The following BEND7 variants were observed in gnomAD, a reference collection of about 807,000 sequenced individuals.
The protein encoded by BEND7 is BEN domain-containing protein 7.
A neutral mutation model predicts 50.9 loss-of-function variants in BEND7; 28 were observed. That is an observed-to-expected ratio of 0.55 (90% CI 0.41 to 0.75). BEND7 has a LOEUF of 0.75. Among genes scored for constraint, BEND7 ranks in the 30% least tolerant of loss-of-function variants. The probability of loss-of-function intolerance (pLI) is 0.00; values close to 1 mark genes in which losing one functional copy is unlikely to be tolerated. For synonymous variants in BEND7, 170 were observed against 183.9 expected, an observed-to-expected ratio of 0.92 and a Z score of 0.61; for missense variants, 477 against 491.3, an observed-to-expected ratio of 0.97 and a Z score of 0.28.
chr10:13,496,229 T>C (rs1356247586), intron 4 of BEND7, among the ~76,000 whole-genome samples: 2 of 152,168 alleles, frequency 1.3e-5, no homozygotes, highest in Admixed American at 6.5e-5. Context: ...AAAGCAGAAA[T>C]TGGCATCCAA....
intron 6 of BEND7, among the ~76,000 whole-genome samples, chr10:13,469,118 G>A (rs1198603777): frequency 1.3e-5 from 2 of 152,174 alleles, no homozygotes; most frequent in East Asian, 1.9e-4. Flanking sequence ...AGAGGAAGGT[G>A]CTTAAAATAA....
intron 6 of BEND7, among the ~76,000 whole-genome samples, chr10:13,468,024 G>A (rs1457982990): frequency 3.9e-5 from 6 of 152,158 alleles, no homozygotes; most frequent in Non-Finnish European, 8.8e-5. Flanking sequence ...GCATGACCAT[G>A]TATCCCGATC....
At chr10:13,450,971 T>A (rs1027601830) in intron 7 of BEND7, among the ~76,000 whole-genome samples, 12 of 152,008 alleles carry the variant, frequency 7.9e-5, no homozygotes, top group African/African-American at 2.7e-4. Flanking sequence ...GCGTGCCTGC[T>A]TGCTGGTGGG....
At chr10:13,488,455 G>A (rs1203971122) in intron 5 of BEND7, among the ~76,000 whole-genome samples, 5 of 152,114 alleles carry the variant, frequency 3.3e-5, no homozygotes, top group Admixed American at 2.6e-4. Flanking sequence ...ATTGGGTTGT[G>A]AACTCATGAA....
At chr10:13,471,194 A>T (rs181759522) in intron 6 of BEND7, among the ~76,000 whole-genome samples, 2 of 152,340 alleles carry the variant, frequency 1.3e-5, no homozygotes, top group Admixed American at 6.5e-5. Context: ...GACATGTCTT[A>T]CTAGACTGTA....
At chr10:13,519,763 G>A (rs979400827) in intron 2 of BEND7, among the ~76,000 whole-genome samples, 1 of 152,192 alleles carries the variant, frequency 6.6e-6, no homozygotes, top group African/African-American at 2.4e-5. Flanking sequence ...GTAAACTGAG[G>A]CGGCTTACAG....
rs117173956 is a variant in BEND7, at chr10:13,477,552, G to A, written c.1063+3347C>T. 2.4e-3 allele frequency among the ~76,000 whole-genome samples: 362 copies of A among 152,268 alleles called. 2 individuals are homozygous for A. The highest frequency in any genetic ancestry group is 0.013 in the East Asian group (65 of 5,192). On this transcript the variant is annotated intron_variant, in intron 6 of 8. Transcript: ENST00000466271. The stretch of plus-strand genomic sequence containing the variant: ...AAATTAATAGCTACTTCTGAAAATC[G>A]CTTCGTATTGTAACGTGTGGGTTAA...
intron 2 of BEND7, among the ~76,000 whole-genome samples, chr10:13,511,712 C>G (rs2078284539): frequency 6.6e-6 from 1 of 151,544 alleles, no homozygotes; most frequent in Admixed American, 6.6e-5. Context: ...ATACCACTTA[C>G]AGAGCACTTA....
At chr10:13,441,847 C>A (rs1835372661) in intron 8 of BEND7, 97 bp from the exon 9 acceptor site, 4 of 1,250,928 alleles carry the variant, frequency 3.2e-6, no homozygotes, top group Admixed American at 2.0e-5. Flanking sequence ...ATAATTTCTC[C>A]AAACCTTCCT....
chr10:13,445,622 T>C (rs1836156772), intron 8 of BEND7: 1 of 152,232 alleles, frequency 6.6e-6, no homozygotes, highest in South Asian at 2.1e-4. Flanking sequence ...TCAAGTTCCT[T>C]CTCATTCTCA....
At chr10:13,455,673 T>C (rs1047420290) in intron 6 of BEND7, among the ~76,000 whole-genome samples, 4 of 151,964 alleles carry the variant, frequency 2.6e-5, no homozygotes, top group African/African-American at 9.7e-5. Flanking sequence ...GGCTGATGAA[T>C]CTGGAATAGA....
At chr10:13,440,377 C>T (rs1349081288), downstream of BEND7, among the ~76,000 whole-genome samples, 2 of 152,242 alleles carry the variant, frequency 1.3e-5, no homozygotes, top group Non-Finnish European at 2.9e-5. Flanking sequence ...ACCTGCAAGA[C>T]TCACGGGCTG....
chr10:13,474,340 G>A (rs917776557), intron 6 of BEND7, among the ~76,000 whole-genome samples: 42 of 150,378 alleles, frequency 2.8e-4, no homozygotes, highest in African/African-American at 9.1e-4. Flanking sequence ...ATTTGGGGTC[G>A]ATATCCGTCA....
Position 13,476,662 on chromosome 10 carries a change from G to A in BEND7, c.1063+4237C>T, listed in dbSNP as rs146954046. Among the ~76,000 whole-genome samples the A allele has an allele frequency of 5.8e-3, 882 of 152,232 alleles. 4 individuals carry two copies. Among genetic ancestry groups the A allele is most frequent in the South Asian group, 0.015 (74 of 4,820 alleles). On this transcript the variant is annotated intron_variant, in intron 6 of 8. Transcript: ENST00000466271. The stretch of plus-strand genomic sequence containing the variant: ...ACCACGTTAATCTGCATGGTCTACC[G>A]AGTATATCACAGCAAGAACTAGATG...
intron 8 of BEND7, chr10:13,443,265 G>A (rs1835608006): frequency 6.6e-6 from 1 of 152,646 alleles, no homozygotes; most frequent in South Asian, 2.1e-4. Flanking sequence ...GCAGGAACCT[G>A]AAATGCTACG....
chr10:13,484,896 T>C (rs1564334678), intron 5 of BEND7, among the ~76,000 whole-genome samples: 2 of 152,202 alleles, frequency 1.3e-5, no homozygotes, highest in Non-Finnish European at 2.9e-5. Flanking sequence ...CATCTCACAC[T>C]GGGTGAAGTT....
At chr10:13,507,007 C>T (rs1413824042) in intron 2 of BEND7, among the ~76,000 whole-genome samples, 1 of 152,068 alleles carries the variant, frequency 6.6e-6, no homozygotes, top group East Asian at 1.9e-4. Context: ...AACGCAGCTA[C>T]TGGGTGCATG....
chr10:13,478,285 T>C (rs745635249), intron 6 of BEND7, among the ~76,000 whole-genome samples: 9 of 152,162 alleles, frequency 5.9e-5, no homozygotes, highest in Non-Finnish European at 1.3e-4. Context: ...CTTTGGAGGA[T>C]CAGTCTTTGG....
At chr10:13,494,489 C>T (rs1288304006) in intron 4 of BEND7, among the ~76,000 whole-genome samples, 1 of 152,216 alleles carries the variant, frequency 6.6e-6, no homozygotes, top group Non-Finnish European at 1.5e-5. Flanking sequence ...TGAACTGACA[C>T]CTCCAGGCAT....
Sources: gnomAD v4.1 joint callset for allele counts (sites outside exome capture counted in the v4.1 genomes callset) on GRCh38, gnomAD v4.1.1 for gene constraint, MANE v1.5 for transcripts, NCBI Gene and HGNC (gene_info 2026-07-23, HGNC 2026-07-21) for gene names.